Variants in VGLL3 observed in about 807,000 individuals in gnomAD.
VGLL3 encodes transcription cofactor vestigial-like protein 3.
In VGLL3, 18 loss-of-function variants were observed where a neutral mutation model predicts 29.2. The ratio of observed to expected loss-of-function variants is 0.62; its 90% CI spans 0.43 to 0.91. The LOEUF is 0.91. Among genes scored for constraint, VGLL3 ranks in the 40% least tolerant of loss-of-function variants. VGLL3 has a pLI of 0.00. For synonymous variants in VGLL3, 180 were observed against 151.8 expected (o/e 1.19, Z -1.36); for missense variants, 440 against 413.2 (o/e 1.06, Z -0.56).
intron 3 of VGLL3, among the ~76,000 whole-genome samples, chr3:86,968,244 TTC>T (rs1705005455): frequency 6.6e-6 from 1 of 152,214 alleles, no homozygotes; most frequent in Non-Finnish European, 1.5e-5. Flanking sequence ...CATTTCTGAA[TTC>T]TGTTAGGCCT....
rs376365421 is a variant in VGLL3, at chr3:86,978,693, G to T, written c.236C>A (p.Ala79Asp). Residue 79 changes from alanine (A) to aspartate (D), a missense_variant, in exon 2 of 4, where the codon GCC (alanine) becomes GAC (aspartate). Coordinates refer to ENST00000398399, the MANE Select transcript of VGLL3 (RefSeq NM_016206.4). ...GCGAGAGTTAAGGTACTCCATCTCG[G>T]CAGGCTGGTCTTTCTCCTCCTCCTC... ...EEEEEEKDQP[A>D]EMEYLNSRCV... is the part of the protein sequence containing the mutation. 1 of 1,613,838 alleles carries T rather than the reference G, an allele frequency of 6.2e-7. No homozygotes were observed. Among genetic ancestry groups the T allele is most frequent in the East Asian group, 2.2e-5 (1 of 44,874 alleles).
At chr3:86,947,876 T>A (rs2106958167) in intron 3 of VGLL3, among the ~76,000 whole-genome samples, 1 of 152,128 alleles carries the variant, frequency 6.6e-6, no homozygotes, top group South Asian at 2.1e-4. Context: ...CTAATACAGT[T>A]AATTGAATAA....
intron 3 of VGLL3, among the ~76,000 whole-genome samples, chr3:86,964,735 C>T (rs911053100): frequency 2.6e-5 from 4 of 152,132 alleles, no homozygotes; most frequent in Admixed American, 6.6e-5. Flanking sequence ...TCTTTTAGAA[C>T]CTTGATCTTG....
Position 86,945,766 on chromosome 3 carries a change from T to A in VGLL3, c.*1258A>T, listed in dbSNP as rs1704494820. The A allele has an allele frequency of 6.6e-6, 1 of 152,136 alleles. No homozygotes were observed. Among genetic ancestry groups the A allele is most frequent in the African/African-American group, 2.4e-5 (1 of 41,452 alleles). The allele number at this position is 152,136 out of a possible 1,614,324, so 9.4% of individuals were successfully genotyped here. On this transcript the variant is annotated 3_prime_UTR_variant, in exon 4 of 4. Coordinates refer to ENST00000398399, the MANE Select transcript of VGLL3 (RefSeq NM_016206.4). ...ACACTTTATTTTGCCCTAAATTTCT[T>A]TCTAAAAAGGAATTAAATCAAGTAA...
intron 1 of VGLL3, among the ~76,000 whole-genome samples, chr3:86,985,404 T>A (rs1182918273): frequency 2.6e-5 from 4 of 152,220 alleles, no homozygotes; most frequent in Non-Finnish European, 5.9e-5. Context: ...TGAAATCATT[T>A]GGTTTTAAGG....
chr3:86,967,521 T>C (rs1426721377), intron 3 of VGLL3, among the ~76,000 whole-genome samples: 2 of 152,186 alleles, frequency 1.3e-5, no homozygotes, highest in Non-Finnish European at 2.9e-5. Flanking sequence ...TCCACTCATG[T>C]CACGGGAGAG....
In VGLL3 at chr3:86,978,557, T is replaced by C; in HGVS notation, c.372A>G (p.Lys124=). 1.2e-6 allele frequency: 2 copies of C among 1,614,182 alleles called. No homozygotes were observed. The highest frequency in any genetic ancestry group is 2.2e-5 in the East Asian group (1 of 44,888). Residue 124 remains lysine (K), a synonymous_variant, in exon 2 of 4, where the codon AAA becomes AAG. Transcript: ENST00000398399. ...ATAGGGGGGTTAGCCCCATCTTGCT[T>C]TTTGAAATGGCAGATTCTGGATGGA... The part of the protein sequence containing the change: ...ITLHPESAIS[K]SKMGLTPLWR...
At chr3:86,968,470 C>A in intron 3 of VGLL3, 120 bp downstream of exon 3, 1 of 1,178,906 alleles carries the variant, frequency 8.5e-7, no homozygotes, top group Non-Finnish European at 1.2e-6. Context: ...GGCTAGGTTC[C>A]ATAAACATGT....
intron 3 of VGLL3, chr3:86,962,582 T>C: frequency 1.0e-6 from 1 of 965,166 alleles, no homozygotes; most frequent in Non-Finnish European, 1.2e-6. Context: ...ATTTAAATAT[T>C]TTAAAAATTG....
At chr3:86,987,881 C>T (rs1705485953) in intron 1 of VGLL3, among the ~76,000 whole-genome samples, 1 of 152,146 alleles carries the variant, frequency 6.6e-6, no homozygotes, top group African/African-American at 2.4e-5. Context: ...ATATGTTCAA[C>T]AAAAACCTAA....
chr3:86,955,629 G>C (rs1260920272), intron 3 of VGLL3, among the ~76,000 whole-genome samples: 17 of 152,072 alleles, frequency 1.1e-4, no homozygotes, highest in African/African-American at 2.4e-5. Flanking sequence ...GACCTCAGGT[G>C]ATCCACCCAC....
rs548578135 is a variant in VGLL3 at position 86,955,869 on chromosome 3, A to C, written c.938-8802T>G. Among the ~76,000 whole-genome samples, 108 of 152,344 alleles carry C rather than the reference A, an allele frequency of 7.1e-4. 1 individual carries two copies. The highest frequency in any genetic ancestry group is 2.4e-3 in the African/African-American group (101 of 41,582). On this transcript the variant is annotated intron_variant, in intron 3 of 3. Transcript: ENST00000398399. ...AACACTATAACACATACTTGTGTTA[A>C]AAAAATTATGAATTAAGTCCCCAGC...
chr3:86,949,725 G>A (rs912791846), intron 3 of VGLL3, among the ~76,000 whole-genome samples: 2 of 151,482 alleles, frequency 1.3e-5, no homozygotes, highest in Admixed American at 6.6e-5. Context: ...TACTCGGGAG[G>A]CTGAGGCAGG....
Position 86,969,135 on chromosome 3 carries a change from GA to G in VGLL3, c.404-13del. On this transcript the variant is annotated splice_polypyrimidine_tract_variant and intron_variant, in intron 2 of 3. Transcript: ENST00000398399. ...GAGAGCTGAGCTGTCTGAGAAGACAGAAAATAAAAAACATTATTAACATAAG... is the reference window on the plus strand; with the variant it reads ...GAGAGCTGAGCTGTCTGAGAAGACAGAAATAAAAAACATTATTAACATAAG... 1 of 1,545,068 alleles carries G rather than the reference GA, an allele frequency of 6.5e-7. No individual in the cohort carries two copies.
At chr3:86,952,482 C>A (rs1298029143) in intron 3 of VGLL3, among the ~76,000 whole-genome samples, 2 of 151,870 alleles carry the variant, frequency 1.3e-5, no homozygotes, top group Non-Finnish European at 2.9e-5. Flanking sequence ...AAAGAGGTAA[C>A]CATACAATGG....
chr3:86,973,286 A>G (rs1331900110), intron 2 of VGLL3, among the ~76,000 whole-genome samples: 7 of 152,224 alleles, frequency 4.6e-5, no homozygotes. Context: ...ATCAATATTG[A>G]TTAAAATATG....
At chr3:86,990,063 TC>T (rs1299759770) in intron 1 of VGLL3, among the ~76,000 whole-genome samples, 2 of 152,132 alleles carry the variant, frequency 1.3e-5, no homozygotes, top group Non-Finnish European at 2.9e-5. Flanking sequence ...TCCATCCCTG[TC>T]CTCTAAGTCA....
chr3:86,962,274 A>G (rs1704865293), intron 3 of VGLL3: 1 of 985,510 alleles, frequency 1.0e-6, no homozygotes. Flanking sequence ...AAAAAGTAAG[A>G]GTGAGCTCGC....
intron 3 of VGLL3, among the ~76,000 whole-genome samples, chr3:86,965,452 G>C (rs1304296957): frequency 6.6e-6 from 1 of 152,110 alleles, no homozygotes; most frequent in Non-Finnish European, 1.5e-5. Flanking sequence ...GTTCTCAACT[G>C]CTCTGCTACC....
Sources: allele counts gnomAD v4.1 joint callset (sites outside exome capture counted in the v4.1 genomes callset), GRCh38; gene constraint gnomAD v4.1.1; transcripts MANE v1.5; gene names NCBI Gene and HGNC (gene_info 2026-07-23, HGNC 2026-07-21).